Variants in SAMSN1 observed in about 807,000 individuals in gnomAD.
SAMSN1 encodes SAM domain-containing protein SAMSN-1.
Under a neutral mutation model 42.0 loss-of-function variants are expected in SAMSN1, and 31 were observed. The ratio of observed to expected loss-of-function variants is 0.74; its 90% CI spans 0.55 to 1.00. SAMSN1 has a LOEUF of 1.00. Ranked by LOEUF, SAMSN1 falls within the 50% of genes least tolerant of loss-of-function variation. The probability of loss-of-function intolerance (pLI) is 0.00; values close to 1 mark genes in which losing one functional copy is unlikely to be tolerated. For synonymous variants in SAMSN1, 178 were observed against 151.9 expected (o/e 1.17, Z -1.26); for missense variants, 464 against 439.4 (o/e 1.06, Z -0.50).
chr21:14,540,502 C>T (rs1396908927), intron 1 of SAMSN1, among the ~76,000 whole-genome samples: 1 of 152,150 alleles, frequency 6.6e-6, no homozygotes, highest in African/African-American at 2.4e-5. Flanking sequence ...CAAAAGAAGA[C>T]ATTTATGCAG....
chr21:14,627,962 A>G (rs1214711134), intron 2 of SAMSN1, among the ~76,000 whole-genome samples: 5 of 152,124 alleles, frequency 3.3e-5, no homozygotes, highest in Admixed American at 6.6e-5. Context: ...TTCTCCTTCC[A>G]TGTTGAATAT....
chr21:14,637,143 A>T (rs1056508965), intron 2 of SAMSN1, among the ~76,000 whole-genome samples: 23 of 152,254 alleles, frequency 1.5e-4, no homozygotes, highest in Non-Finnish European at 2.5e-4. Flanking sequence ...TGTGGCTGAT[A>T]CAACTTAGGA....
At chr21:14,652,181 GA>G (rs1235720010) in intron 1 of SAMSN1, among the ~76,000 whole-genome samples, 7 of 151,454 alleles carry the variant, frequency 4.6e-5, no homozygotes, top group African/African-American at 7.3e-5. Flanking sequence ...CACAGAAATG[GA>G]AAAAAAATCC....
intron 1 of SAMSN1, among the ~76,000 whole-genome samples, chr21:14,522,764 T>A (rs780861307): frequency 1.6e-4 from 24 of 152,224 alleles, no homozygotes; most frequent in Non-Finnish European, 2.9e-4. Flanking sequence ...AAAATTAATT[T>A]AAAAAATTAA....
intron 2 of SAMSN1, among the ~76,000 whole-genome samples, chr21:14,618,388 G>A (rs575349791): frequency 6.6e-6 from 1 of 152,258 alleles, no homozygotes; most frequent in South Asian, 2.1e-4. Flanking sequence ...ACTTAAACAG[G>A]CCAACATCTA....
intron 2 of SAMSN1, among the ~76,000 whole-genome samples, chr21:14,627,788 C>T (rs963500524): frequency 2.6e-5 from 4 of 152,096 alleles, no homozygotes; most frequent in Admixed American, 1.3e-4. Flanking sequence ...AATGATGCTG[C>T]GAGCTTCTCA....
chr21:14,498,703 T>G, intron 6 of SAMSN1, 111 bp from the exon 7 acceptor site: 1 of 760,318 alleles, frequency 1.3e-6, no homozygotes, highest in Non-Finnish European at 2.0e-6. Context: ...AAGGTGCCAA[T>G]AGAACTTTTA....
At chr21:14,638,668 C>A (rs1331920510) in intron 2 of SAMSN1, among the ~76,000 whole-genome samples, 1 of 152,206 alleles carries the variant, frequency 6.6e-6, no homozygotes, top group East Asian at 1.9e-4. Context: ...TCTGAGCGTT[C>A]TCTAACTTCT....
At chr21:14,592,706 G>T (rs1030736455) in intron 7 of SAMSN1, 9 of 269,934 alleles carry the variant, frequency 3.3e-5, no homozygotes, top group Non-Finnish European at 7.4e-5. Flanking sequence ...AGAGTCTAAA[G>T]AAATATTCTC....
At chr21:14,501,703 A>C (rs1427805186) in intron 5 of SAMSN1, among the ~76,000 whole-genome samples, 2 of 152,240 alleles carry the variant, frequency 1.3e-5, no homozygotes, top group Non-Finnish European at 2.9e-5. Flanking sequence ...TTCACATAAA[A>C]GTATGTGTAC....
chr21:14,618,675 TGTGTGTGTGTGTGTGTGC>T (rs1368270276), intron 2 of SAMSN1, among the ~76,000 whole-genome samples: 40 of 91,788 alleles, frequency 4.4e-4, no homozygotes, highest in Admixed American at 2.5e-3. Context: ...TGTGTGTGTG[TGTGTGTGTGTGTGTGTGC>T]GCGCGCGCGC....
rs542608641 is a variant in SAMSN1, at chr21:14,580,464, A to G, written c.261+1672T>C. On this transcript the variant is annotated intron_variant, in intron 2 of 8. Coordinates refer to the SAMSN1 transcript ENST00000285670. Reference sequence around the variant, plus strand: ...CAGCCTTGATCCTGCTTCTGAAGATATCAGAGGGAGTCATCAGAAGCACGT... The same window carrying G: ...CAGCCTTGATCCTGCTTCTGAAGATGTCAGAGGGAGTCATCAGAAGCACGT... 3.3e-5 allele frequency among the ~76,000 whole-genome samples: 5 copies of G among 152,342 alleles called. No homozygotes were observed. In the South Asian group the frequency reaches 8.3e-4, roughly 25 times the overall value.
intron 2 of SAMSN1, among the ~76,000 whole-genome samples, chr21:14,553,846 G>A (rs529756392): frequency 7.9e-5 from 12 of 151,676 alleles, no homozygotes; most frequent in East Asian, 3.9e-4. Flanking sequence ...GATTTTCTTC[G>A]AATCTTTGGT....
intron 1 of SAMSN1, among the ~76,000 whole-genome samples, chr21:14,522,361 T>G (rs910682226): frequency 6.6e-6 from 1 of 152,254 alleles, no homozygotes; most frequent in Non-Finnish European, 1.5e-5. Flanking sequence ...TATCTGATGT[T>G]GGGTTCTTTG....
upstream of SAMSN1, among the ~76,000 whole-genome samples, chr21:14,549,853 T>C (rs1474501953): frequency 6.6e-6 from 1 of 152,104 alleles, no homozygotes; most frequent in African/African-American, 2.4e-5. Context: ...AAGAGAATTT[T>C]ATTCAAAGAA....
At chr21:14,551,583 C>T (rs189683463) in intron 2 of SAMSN1, among the ~76,000 whole-genome samples, 2 of 151,920 alleles carry the variant, frequency 1.3e-5, no homozygotes, top group East Asian at 3.9e-4. Context: ...CATATAAGGG[C>T]CATATTGTGG....
chr21:14,650,471 AT>A (rs1458263084), intron 1 of SAMSN1, among the ~76,000 whole-genome samples: 4 of 152,132 alleles, frequency 2.6e-5, no homozygotes, highest in African/African-American at 9.6e-5. Flanking sequence ...AAATTGGAAA[AT>A]TTCTTGAAAG....
chr21:14,578,258 A>T (rs1600941236), intron 2 of SAMSN1, among the ~76,000 whole-genome samples: 2 of 152,088 alleles, frequency 1.3e-5, no homozygotes, highest in East Asian at 3.9e-4. Flanking sequence ...TAGTGGGTGA[A>T]AGAGGGTAAG....
chr21:14,495,120 TAAAAAG>T (rs1986863122), intron 7 of SAMSN1, among the ~76,000 whole-genome samples: 1 of 152,228 alleles, frequency 6.6e-6, no homozygotes, highest in Admixed American at 6.5e-5. Flanking sequence ...GTCCCATTCT[TAAAAAG>T]AAAGGCAAAC....
Sources: allele counts gnomAD v4.1 joint callset (sites outside exome capture counted in the v4.1 genomes callset), GRCh38; gene constraint gnomAD v4.1.1; transcripts MANE v1.5; gene names NCBI Gene and HGNC (gene_info 2026-07-23, HGNC 2026-07-21).